GLS: variants seen among roughly 807,000 people sequenced by gnomAD.
The protein encoded by GLS is glutaminase kidney isoform, mitochondrial.
GLS carries 36 observed loss-of-function variants against 86.7 expected under a neutral mutation model. The ratio of observed to expected loss-of-function variants is 0.42; its 90% confidence interval spans 0.32 to 0.55. The LOEUF is 0.55. Ranked by LOEUF, GLS falls within the 20% of genes least tolerant of loss-of-function variation. The pLI is 0.17. For synonymous variants in GLS, 317 were observed against 305.9 expected (o/e 1.04, Z -0.38); for missense variants, 528 against 833.4 (o/e 0.63, Z 4.51).
chr2:190,959,445 G>C (rs768547136), intron 17 of GLS, among the ~76,000 whole-genome samples: 14 of 152,094 alleles, frequency 9.2e-5, no homozygotes, highest in Non-Finnish European at 2.1e-4. Flanking sequence ...TGTTATGTGT[G>C]AATTTGATCC....
chr2:190,914,130 A>AT lies in GLS; in HGVS notation c.1038+3809_1038+3810insT, dbSNP rs1255408382. 7.2e-5 allele frequency among the ~76,000 whole-genome samples: 11 copies of AT among 152,194 alleles called. No individual in the cohort carries two copies. The highest frequency in any genetic ancestry group is 5.9e-4 in the Admixed American group (9 of 15,282). ...TGGTAGTTTCCAGTTTTTGTCATTT[A>AT]AAGAAGTTCAATTTTCTTTTTAATC... On this transcript the variant is annotated intron_variant, in intron 7 of 17. Transcript: ENST00000320717. The surrounding 1 kb of genome is among the most constrained non-coding windows in gnomAD (Gnocchi z 4.4).
intron 1 of GLS, among the ~76,000 whole-genome samples, chr2:190,892,221 G>A (rs1006554739): frequency 6.6e-6 from 1 of 152,106 alleles, no homozygotes; most frequent in Admixed American, 6.5e-5. Context: ...GGTAAAAGAA[G>A]AAACAATATG....
In GLS at chr2:190,951,674, GC is replaced by G; in HGVS notation, c.1651-1889del. ...TTAGGGGTCTCCACTGGTATTAAAG[GC>G]CTGAAGAAAGTATGGCGGGAACCAA... On this transcript the variant is annotated intron_variant, in intron 14 of 17. Coordinates refer to ENST00000320717, the MANE Select transcript of GLS (RefSeq NM_014905.5). The surrounding 1 kb of genome is among the most constrained non-coding windows in gnomAD (Gnocchi z 4.2). 6.6e-6 allele frequency among the ~76,000 whole-genome samples: 1 copy of G among 152,212 alleles called. No individual in the cohort carries two copies. The highest frequency in any genetic ancestry group is 1.5e-5 in the Non-Finnish European group (1 of 68,004).
At chr2:190,902,093 C>A in intron 5 of GLS, 67 bp downstream of exon 5, 1 of 850,986 alleles carries the variant, frequency 1.2e-6, no homozygotes, top group Non-Finnish European at 2.0e-6. Flanking sequence ...GTGAGAATGA[C>A]ATGGAGAAGA....
rs1690069839 is a variant in GLS at position 190,930,357 on chromosome 2, C to T, written c.1426-80C>T. 9.3e-7 allele frequency: 1 copy of T among 1,074,826 alleles called. No individual in the cohort carries two copies. The highest frequency in any genetic ancestry group is 1.4e-6 in the Non-Finnish European group (1 of 704,316). The allele number at this position is 1,074,826 out of a possible 1,614,324, so 66.6% of individuals were successfully genotyped here. A position where few individuals can be genotyped will look rare whatever the true frequency, so the allele number is the denominator to read the frequency against. On this transcript the variant is annotated intron_variant, in intron 12 of 17. Coordinates refer to ENST00000320717, the MANE Select transcript of GLS (RefSeq NM_014905.5). This position sits in a 1 kb window ranked among gnomAD's most constrained non-coding sequence, Gnocchi z 5.0. ...ACAGGAGTGAGCCATGGTGCCCAGC[C>T]CCAGTTTCCCTATTGTTGAACATAA...
intron 14 of GLS, among the ~76,000 whole-genome samples, chr2:190,932,075 G>A (rs577977315): frequency 6.6e-6 from 1 of 152,078 alleles, no homozygotes; most frequent in South Asian, 2.1e-4. Context: ...AGATGGATAT[G>A]TAAATGGAAA....
chr2:190,912,829 G>A lies in GLS; in HGVS notation c.1038+2508G>A, dbSNP rs77494196. Among the ~76,000 whole-genome samples the A allele has an allele frequency of 8.2e-4, 125 of 152,232 alleles. 3 individuals are homozygous for A. In the East Asian group the frequency reaches 0.022, roughly 26 times the overall value. The stretch of plus-strand genomic sequence containing the variant: ...AGTACTATTTCCTTAATTTGAACTG[G>A]TTCAAACGATAACAATTTATTGGTT... On this transcript the variant is annotated intron_variant, in intron 7 of 17. Transcript: ENST00000320717.
Position 190,955,436 on chromosome 2 carries a change from T to C in GLS, c.1853+618T>C, listed in dbSNP as rs1278983926. ...GAATGATGGTTTCCAGCTTCACCCA[T>C]GTCCCTGCAAAGGACATGAACTCAT... On this transcript the variant is annotated intron_variant, in intron 17 of 17. Transcript: ENST00000320717. This position sits in a 1 kb window ranked among gnomAD's most constrained non-coding sequence, Gnocchi z 5.6. 6.6e-6 allele frequency among the ~76,000 whole-genome samples: 1 copy of C among 152,226 alleles called. No homozygotes were observed. The highest frequency in any genetic ancestry group is 2.4e-5 in the African/African-American group (1 of 41,450).
In GLS at chr2:190,910,317, T is replaced by TA; in HGVS notation, c.1037dup (p.Gln347AlafsTer5). The TA allele has an allele frequency of 6.4e-7, 1 of 1,559,418 alleles. No homozygotes were observed. Among genetic ancestry groups the TA allele is most frequent in the Non-Finnish European group, 8.8e-7 (1 of 1,136,796 alleles). On this transcript the variant is annotated frameshift_variant, in exon 7 of 18. Transcript: ENST00000320717. LOFTEE classifies it high-confidence loss of function. ...GGAGCAATTGTTGTGACTTCACTAA[T>TA]AAAGGTAAAATGTTGATGTTTCATT... is the stretch of plus-strand genomic sequence containing the variant.
At chr2:190,940,664 G>T (rs1251947655) in intron 14 of GLS, among the ~76,000 whole-genome samples, 1 of 151,720 alleles carries the variant, frequency 6.6e-6, no homozygotes, top group African/African-American at 2.4e-5. Flanking sequence ...TAAGAAAGTG[G>T]CTGAAGTCCA....
intron 11 of GLS, among the ~76,000 whole-genome samples, chr2:190,926,612 G>A (rs1689903079): frequency 6.6e-6 from 1 of 152,022 alleles, no homozygotes; most frequent in African/African-American, 2.4e-5. Context: ...GTTTGGTACG[G>A]TGAACTATTT....
At chr2:190,884,868 G>A (rs1671605503) in intron 1 of GLS, among the ~76,000 whole-genome samples, 1 of 152,148 alleles carries the variant, frequency 6.6e-6, no homozygotes, top group Non-Finnish European at 1.5e-5. Context: ...GGGAAAATAG[G>A]AACTCTAGCA....
intron 12 of GLS, chr2:190,927,690 A>G (rs981337935): frequency 2.2e-6 from 1 of 446,042 alleles, no homozygotes; most frequent in Admixed American, 4.0e-5. Flanking sequence ...TGATTTATAG[A>G]ACCTCATCCC....
At chr2:190,937,701 T>G (rs1690311669) in intron 14 of GLS, among the ~76,000 whole-genome samples, 1 of 151,266 alleles carries the variant, frequency 6.6e-6, no homozygotes, top group South Asian at 2.1e-4. Context: ...TAATAGAGAT[T>G]TTTTAAATAT....
Position 190,880,840 on chromosome 2 carries a change from A to G in GLS, c.-245A>G, listed in dbSNP as rs1688105883. 5.2e-6 allele frequency: 4 copies of G among 772,472 alleles called. No individual in the cohort carries two copies. Among genetic ancestry groups the G allele is most frequent in the Non-Finnish European group, 8.6e-6 (4 of 465,476 alleles). The allele number at this position is 772,472 out of a possible 1,614,324, so 47.9% of individuals were successfully genotyped here. A position where few individuals can be genotyped will look rare whatever the true frequency, so the allele number is the denominator to read the frequency against. On this transcript the variant is annotated 5_prime_UTR_variant, in exon 1 of 18. Transcript: ENST00000320717. The stretch of plus-strand genomic sequence containing the variant: ...AGCCTCAGTGCGGAGCCTTAGGCGG[A>G]GCGAAGAGAACCGGTCGCGGCAATC...
At position 190,935,203 on chromosome 2, in the gene GLS, T is replaced by G. The variant is rs571848634; in HGVS notation, c.1650+3566T>G. On this transcript the variant is annotated intron_variant, in intron 14 of 17. Coordinates refer to ENST00000320717, the MANE Select transcript of GLS (RefSeq NM_014905.5). The surrounding 1 kb of genome is among the most constrained non-coding windows in gnomAD (Gnocchi z 4.2). ...ATGAAAACATTTGTGTTGTTTAGCT[T>G]TCATTTGCTTTGTATATTTAATAAT... 98 of 866,806 alleles carry G rather than the reference T, an allele frequency of 1.1e-4. No individual in the cohort carries two copies. The South Asian group carries it at 4.6e-3, about 40-fold the overall frequency. The allele number at this position is 866,806 out of a possible 1,614,324, so 53.7% of individuals were successfully genotyped here. A position where few individuals can be genotyped will look rare whatever the true frequency, so the allele number is the denominator to read the frequency against.
At chr2:190,888,432 A>C (rs1483076937) in intron 1 of GLS, among the ~76,000 whole-genome samples, 1 of 152,188 alleles carries the variant, frequency 6.6e-6, no homozygotes. Context: ...TTCTTGTTCA[A>C]CTTATGTGTA....
intron 5 of GLS, among the ~76,000 whole-genome samples, chr2:190,903,158 C>T (rs1254760451): frequency 6.6e-6 from 1 of 152,088 alleles, no homozygotes. Flanking sequence ...TGAGCCCCTG[C>T]CCCCCAGCCA....
chr2:190,905,235 T>G lies in GLS; in HGVS notation c.979+68T>G. ...TTTTCCTATGTAAATCTAAGTCGTT[T>G]TAAACATTTTTTGATTAAAATTAAA... is the stretch of plus-strand genomic sequence containing the variant. On this transcript the variant is annotated intron_variant, in intron 6 of 17. Coordinates refer to ENST00000320717, the MANE Select transcript of GLS (RefSeq NM_014905.5). This position sits in a 1 kb window ranked among gnomAD's most constrained non-coding sequence, Gnocchi z 4.6. The G allele has an allele frequency of 1.0e-6, 1 of 952,804 alleles. No homozygotes were observed. The highest frequency in any genetic ancestry group is 1.6e-6 in the Non-Finnish European group (1 of 633,160). 59.0% of individuals were successfully genotyped at this position (952,804 alleles called of 1,614,324 possible). A position where few individuals can be genotyped will look rare whatever the true frequency, so the allele number is the denominator to read the frequency against.
Sources: gnomAD v4.1 joint callset for allele counts (sites outside exome capture counted in the v4.1 genomes callset) on GRCh38, gnomAD v4.1.1 for gene constraint, Gnocchi (gnomAD v3.1) non-coding constraint, MANE v1.5 for transcripts, NCBI Gene and HGNC (gene_info 2026-07-23, HGNC 2026-07-21) for gene names.